Variants in LARS2 observed in about 807,000 individuals in gnomAD.
The protein encoded by LARS2 is leucyl-tRNA synthetase 2, mitochondrial.
Under a neutral mutation model 116.6 loss-of-function variants are expected in LARS2, and 81 were observed. The ratio of observed to expected loss-of-function variants is 0.69; its 90% CI spans 0.58 to 0.84. The LOEUF (loss-of-function observed/expected upper bound fraction) is 0.84, where lower values mean the gene tolerates loss of function less well. Among genes scored for constraint, LARS2 ranks in the 40% least tolerant of loss-of-function variants. The pLI is 0.00. For missense variants in LARS2, 968 were observed against 1,114.5 expected (o/e 0.87, Z 1.87); for synonymous variants, 396 against 407.2 (o/e 0.97, Z 0.33).
intron 7 of LARS2, among the ~76,000 whole-genome samples, chr3:45,453,804 C>T (rs1699173218): frequency 6.6e-6 from 1 of 151,948 alleles, no homozygotes; most frequent in Non-Finnish European, 1.5e-5. Context: ...ATATATTTTA[C>T]TAGCCTTCTG....
rs368106042 is a variant in LARS2 at position 45,487,788 on chromosome 3, C to A, written c.1124-909C>A. ...GAGCTGGGGGGAAAAGAAAAAAAAA[C>A]CCATTCTTATGAATACCCGAAGCCA... On this transcript the variant is annotated intron_variant, in intron 11 of 21. Transcript: ENST00000645846. Among the ~76,000 whole-genome samples, 6 of 139,396 alleles carry A rather than the reference C, an allele frequency of 4.3e-5. No individual in the cohort carries two copies. In the South Asian group the frequency reaches 7.2e-4, roughly 17 times the overall value. 91.4% of individuals were successfully genotyped at this position (139,396 alleles called of 152,430 possible). A position where few individuals can be genotyped will look rare whatever the true frequency, so the allele number is the denominator to read the frequency against.
intron 8 of LARS2, among the ~76,000 whole-genome samples, chr3:45,472,551 T>A (rs1400480358): frequency 6.6e-6 from 1 of 152,142 alleles, no homozygotes; most frequent in South Asian, 2.1e-4. Context: ...CTTCTAGGAA[T>A]AAAATAAAAA....
chr3:45,471,102 A>G (rs1387317475), intron 8 of LARS2, among the ~76,000 whole-genome samples: 1 of 151,978 alleles, frequency 6.6e-6, no homozygotes, highest in African/African-American at 2.4e-5. Context: ...CCCCAAAAAA[A>G]CAAAAATAGC....
chr3:45,413,282 G>A (rs1012375361), intron 4 of LARS2, among the ~76,000 whole-genome samples: 4 of 152,238 alleles, frequency 2.6e-5, no homozygotes, highest in African/African-American at 9.6e-5. Context: ...AGAGATGGAG[G>A]CTGAAATTGT....
chr3:45,419,009 A>C (rs1698475302), intron 5 of LARS2, among the ~76,000 whole-genome samples: 2 of 152,262 alleles, frequency 1.3e-5, no homozygotes, highest in South Asian at 4.1e-4. Context: ...CTAATCAGAG[A>C]TTATACAGAA....
In LARS2 at chr3:45,417,795, T is replaced by G. The variant is rs2286907; in HGVS notation, c.455+222T>G. On this transcript the variant is annotated intron_variant, in intron 5 of 21. Coordinates refer to ENST00000645846, the MANE Select transcript of LARS2 (RefSeq NM_015340.4). ...ATATTTGTTCATGTGTTCATTTTGA[T>G]GCTTTGTTATTTACAGTTATTTTTC... is the stretch of plus-strand genomic sequence containing the variant. 0.5 allele frequency among the ~76,000 whole-genome samples: 76,351 copies of G among 151,944 alleles called. 19,809 individuals are homozygous for G. Among genetic ancestry groups the G allele is most frequent in the Non-Finnish European group, 0.58 (39,176 of 67,928 alleles).
At chr3:45,537,675 C>A (rs987982979) in intron 20 of LARS2, among the ~76,000 whole-genome samples, 1 of 152,162 alleles carries the variant, frequency 6.6e-6, no homozygotes, top group Non-Finnish European at 1.5e-5. Context: ...AGGGATCGGA[C>A]GCCGCAGAGT....
At chr3:45,533,199 G>A (rs1700646081) in intron 20 of LARS2, among the ~76,000 whole-genome samples, 2 of 131,826 alleles carry the variant, frequency 1.5e-5, no homozygotes, top group South Asian at 5.0e-4. Context: ...CGCCCAGGCT[G>A]GAGTGCAGTG....
intron 13 of LARS2, chr3:45,495,215 C>G (rs923958064): frequency 6.6e-6 from 1 of 152,240 alleles, no homozygotes; most frequent in African/African-American, 2.4e-5. Flanking sequence ...AACACCAGGG[C>G]TTTCTTCACT....
rs746274473 is a variant in LARS2, at chr3:45,476,642, T to TA, written c.1018+17dup. On this transcript the variant is annotated intron_variant, in intron 10 of 21. Coordinates refer to ENST00000645846, the MANE Select transcript of LARS2 (RefSeq NM_015340.4). ...CCCTGGCAAAGGTGAGCTGGCAAGT[T>TA]AACGGCTCAGGTGGTAGGATTGCTA... The TA allele has an allele frequency of 6.2e-7, 1 of 1,613,734 alleles. No homozygotes were observed. Among genetic ancestry groups the TA allele is most frequent in the East Asian group, 2.2e-5 (1 of 44,878 alleles).
At chr3:45,415,924 G>GAGAGA in intron 4 of LARS2, among the ~76,000 whole-genome samples, 1 of 140,272 alleles carries the variant, frequency 7.1e-6, no homozygotes, top group Non-Finnish European at 1.5e-5. Context: ...GAGAGAGAGA[G>GAGAGA]GCTATTTTAG....
intron 8 of LARS2, among the ~76,000 whole-genome samples, chr3:45,460,142 G>T (rs562924953): frequency 5.9e-5 from 9 of 152,340 alleles, no homozygotes; most frequent in African/African-American, 1.9e-4. Flanking sequence ...TGTCTTAAAT[G>T]AGGTTGTTTT....
intron 8 of LARS2, among the ~76,000 whole-genome samples, chr3:45,459,342 C>T (rs1699272559): frequency 6.6e-6 from 1 of 152,166 alleles, no homozygotes; most frequent in African/African-American, 2.4e-5. Context: ...CCACCCAACT[C>T]TAGACTTCAC....
chr3:45,479,009 G>T (rs1280471679), intron 10 of LARS2, among the ~76,000 whole-genome samples: 1 of 152,054 alleles, frequency 6.6e-6, no homozygotes, highest in Non-Finnish European at 1.5e-5. Flanking sequence ...TTGAATGTCA[G>T]ATTTTAAGGA....
At chr3:45,517,679 A>G (rs968305171) in intron 17 of LARS2, among the ~76,000 whole-genome samples, 2 of 152,210 alleles carry the variant, frequency 1.3e-5, no homozygotes, top group Non-Finnish European at 2.9e-5. Flanking sequence ...CCTGCCATCC[A>G]GTGCTCTGAA....
At chr3:45,500,253 C>G (rs1212804281) in intron 14 of LARS2, among the ~76,000 whole-genome samples, 189 bp from the exon 15 acceptor site, 1 of 152,170 alleles carries the variant, frequency 6.6e-6, no homozygotes, top group African/African-American at 2.4e-5. Flanking sequence ...CCACCTGCCT[C>G]GGCCTCCCAA....
chr3:45,470,664 A>T (rs1699506618), intron 8 of LARS2, among the ~76,000 whole-genome samples: 1 of 152,204 alleles, frequency 6.6e-6, no homozygotes, highest in South Asian at 2.1e-4. Flanking sequence ...CTGCTGATGG[A>T]GTTTAGGGAA....
chr3:45,491,975 G>A (rs1699926031), intron 13 of LARS2, among the ~76,000 whole-genome samples, 175 bp downstream of exon 13: 1 of 152,232 alleles, frequency 6.6e-6, no homozygotes, highest in Non-Finnish European at 1.5e-5. Context: ...TCTGGAATCT[G>A]TGGCCCTGCC....
In LARS2 at chr3:45,541,936, G is replaced by T; in HGVS notation, c.2512G>T (p.Val838Phe). ...VDPEFLQQPE[V>F]VQMAVLINNK... is the part of the protein sequence containing the mutation. ...CCCGGAGTTCCTGCAGCAGCCTGAGGTTGTCCAGATGGCAGTTCTGGTAAG... is the reference window on the plus strand; with the variant it reads ...CCCGGAGTTCCTGCAGCAGCCTGAGTTTGTCCAGATGGCAGTTCTGGTAAG... The change falls in exon 21 of 22, where the codon GTT (valine) becomes TTT (phenylalanine). Residue 838 changes from valine (V) to phenylalanine (F), a missense_variant. By Grantham distance (50) the Val-to-Phe change is conservative (BLOSUM62 -1). Coordinates refer to ENST00000645846, the MANE Select transcript of LARS2 (RefSeq NM_015340.4). The T allele has an allele frequency of 6.2e-7, 1 of 1,614,242 alleles. No individual in the cohort carries two copies. The highest frequency in any genetic ancestry group is 1.7e-5 in the Admixed American group (1 of 60,026).
Sources: allele counts gnomAD v4.1 joint callset (sites outside exome capture counted in the v4.1 genomes callset), GRCh38; gene constraint gnomAD v4.1.1; transcripts MANE v1.5; gene names NCBI Gene and HGNC (gene_info 2026-07-23, HGNC 2026-07-21).